XYLT1: variants seen among roughly 807,000 people sequenced by gnomAD.
XYLT1 encodes the protein xylosyltransferase 1.
In XYLT1, 36 loss-of-function variants were observed where a neutral mutation model predicts 91.3. The ratio of observed to expected loss-of-function variants is 0.39; its 90% confidence interval spans 0.30 to 0.52. The LOEUF is 0.52. XYLT1 is among the 20% of genes least tolerant of loss of function. The pLI is 0.68. For synonymous variants in XYLT1, 588 were observed against 532.0 expected (o/e 1.11, Z -1.45); for missense variants, 1,242 against 1,284.5 (o/e 0.97, Z 0.51).
chr16:17,253,377 G>A (rs1211871183), intron 3 of XYLT1, among the ~76,000 whole-genome samples: 4 of 152,032 alleles, frequency 2.6e-5, no homozygotes, highest in African/African-American at 9.7e-5. Flanking sequence ...GCGCTATCCT[G>A]GCCAGTGCAC....
At chr16:17,436,709 C>T (rs1358537139) in intron 1 of XYLT1, among the ~76,000 whole-genome samples, 10 of 152,188 alleles carry the variant, frequency 6.6e-5, no homozygotes, top group African/African-American at 2.2e-4. Flanking sequence ...GACCTCAATA[C>T]AATATGATTA....
intron 1 of XYLT1, among the ~76,000 whole-genome samples, chr16:17,403,660 C>T (rs904104594): frequency 6.6e-6 from 1 of 152,184 alleles, no homozygotes; most frequent in African/African-American, 2.4e-5. Flanking sequence ...CCTCCCACAA[C>T]ACGTGGGGGA....
rs558256035 is a variant in XYLT1, at chr16:17,132,798, G to A, written c.2027+1675C>T. Among the ~76,000 whole-genome samples the A allele has an allele frequency of 3.3e-5, 5 of 152,250 alleles. No homozygotes were observed. In the East Asian group the frequency reaches 7.7e-4, roughly 24 times the overall value. On this transcript the variant is annotated intron_variant, in intron 9 of 11. Coordinates refer to ENST00000261381, the MANE Select transcript of XYLT1 (RefSeq NM_022166.4). Reference sequence around the variant, plus strand: ...CATGCCTATAGTCTCAGCTACTCAGGAGGCTGAGGCAGAAGAATCGCTTGA... The same window carrying A: ...CATGCCTATAGTCTCAGCTACTCAGAAGGCTGAGGCAGAAGAATCGCTTGA...
Position 17,172,466 on chromosome 16 carries a change from C to CTTTTTT in XYLT1, c.1290-13563_1290-13558dup, listed in dbSNP as rs1157952692. On this transcript the variant is annotated intron_variant, in intron 5 of 11. Transcript: ENST00000261381. The stretch of plus-strand genomic sequence containing the variant: ...TATGTGCCAAAGACTGCGTTCATTT[C>CTTTTTT]TTTTTTTTTTTTTTTTTTTTTTGAG... 9.2e-3 allele frequency among the ~76,000 whole-genome samples: 940 copies of CTTTTTT among 102,444 alleles called. 3 individuals carry two copies. Among genetic ancestry groups the CTTTTTT allele is most frequent in the Non-Finnish European group, 0.013 (726 of 54,152 alleles). The allele number at this position is 102,444 out of a possible 152,430, so 67.2% of individuals were successfully genotyped here.
intron 5 of XYLT1, among the ~76,000 whole-genome samples, chr16:17,185,665 C>T (rs1435838730): frequency 1.3e-5 from 2 of 152,206 alleles, no homozygotes. Context: ...TTTCAATTCT[C>T]ACTAGTACAA....
chr16:17,337,806 A>G (rs1246154992), intron 2 of XYLT1, among the ~76,000 whole-genome samples: 2 of 131,930 alleles, frequency 1.5e-5, no homozygotes, highest in African/African-American at 6.1e-5. Flanking sequence ...TGTGAGACAG[A>G]GTCTTGCTCT....
chr16:17,247,665 T>A (rs1029649789), intron 3 of XYLT1, among the ~76,000 whole-genome samples: 7 of 152,202 alleles, frequency 4.6e-5, no homozygotes, highest in Non-Finnish European at 1.0e-4. Flanking sequence ...TCGCAGCCGA[T>A]AAAGTGGCAG....
At chr16:17,362,336 TTTGCCACAG>T (rs1437336229) in intron 1 of XYLT1, among the ~76,000 whole-genome samples, 3 of 152,142 alleles carry the variant, frequency 2.0e-5, no homozygotes, top group African/African-American at 7.2e-5. Context: ...AAACAGTCAC[TTTGCCACAG>T]CAAGGAACCA....
intron 8 of XYLT1, 59 bp from the exon 9 acceptor site, chr16:17,134,794 G>C (rs878965084): frequency 6.3e-7 from 1 of 1,589,986 alleles, no homozygotes; most frequent in Non-Finnish European, 8.6e-7. Flanking sequence ...GGGTTGGGGG[G>C]AACCTAAGGG....
intron 1 of XYLT1, among the ~76,000 whole-genome samples, chr16:17,365,674 C>A (rs538729310): frequency 2.0e-5 from 3 of 152,192 alleles, no homozygotes; most frequent in Non-Finnish European, 4.4e-5. Flanking sequence ...TTTCATTCTA[C>A]ATTTTTTTAG....
chr16:17,408,868 A>G (rs1483125761), intron 1 of XYLT1, among the ~76,000 whole-genome samples: 1 of 152,124 alleles, frequency 6.6e-6, no homozygotes, highest in Non-Finnish European at 1.5e-5. Context: ...AACAAAACAA[A>G]AAAAAAGAGT....
chr16:17,293,846 A>G (rs999417564), intron 2 of XYLT1, among the ~76,000 whole-genome samples: 1 of 152,178 alleles, frequency 6.6e-6, no homozygotes, highest in Admixed American at 6.5e-5. Flanking sequence ...CAGAAAGGTC[A>G]TTGCCCAGCA....
At chr16:17,387,107 A>G (rs989471777) in intron 1 of XYLT1, among the ~76,000 whole-genome samples, 2 of 152,152 alleles carry the variant, frequency 1.3e-5, no homozygotes, top group African/African-American at 4.8e-5. Context: ...CAAAGCCAGG[A>G]GTGACCTCAT....
chr16:17,142,997 C>G (rs749835600), intron 6 of XYLT1, among the ~76,000 whole-genome samples: 9 of 152,132 alleles, frequency 5.9e-5, no homozygotes, highest in Admixed American at 1.3e-4. Context: ...ATTAATAACT[C>G]CTACTGTAGT....
intron 3 of XYLT1, among the ~76,000 whole-genome samples, chr16:17,237,138 T>C (rs961691542): frequency 1.3e-5 from 2 of 152,204 alleles, no homozygotes; most frequent in Non-Finnish European, 2.9e-5. Flanking sequence ...ATTCTAAGGA[T>C]GTGTAATATA....
chr16:17,342,837 C>CT (rs1420401596), intron 2 of XYLT1, among the ~76,000 whole-genome samples: 1 of 152,056 alleles, frequency 6.6e-6, no homozygotes, highest in Non-Finnish European at 1.5e-5. Flanking sequence ...GTATCCAGAA[C>CT]GTAGTAGGCA....
intron 5 of XYLT1, among the ~76,000 whole-genome samples, chr16:17,161,639 G>A (rs963196256): frequency 6.6e-5 from 10 of 151,452 alleles, no homozygotes; most frequent in Non-Finnish European, 1.3e-4. Context: ...AACAGCTTGC[G>A]ATCTGGTGAC....
At chr16:17,353,840 C>A (rs1001955300) in intron 2 of XYLT1, among the ~76,000 whole-genome samples, 1 of 152,182 alleles carries the variant, frequency 6.6e-6, no homozygotes. Context: ...AATAGGAAAG[C>A]AGTTGAGAAG....
intron 1 of XYLT1, among the ~76,000 whole-genome samples, chr16:17,444,661 G>A (rs1359806978): frequency 6.6e-6 from 1 of 152,036 alleles, no homozygotes; most frequent in African/African-American, 2.4e-5. Flanking sequence ...TTTTATTGTA[G>A]GTGCCTAGGA....
Sources: gnomAD v4.1 joint callset for allele counts (sites outside exome capture counted in the v4.1 genomes callset) on GRCh38, gnomAD v4.1.1 for gene constraint, MANE v1.5 for transcripts, NCBI Gene and HGNC (gene_info 2026-07-23, HGNC 2026-07-21) for gene names.